Variants in RAB8B observed in about 807,000 individuals in gnomAD.
The protein encoded by RAB8B is RAB8B, member RAS oncogene family, also known as ras-related protein Rab-8B.
Under a neutral mutation model 32.0 loss-of-function variants are expected in RAB8B, and 11 were observed. The ratio of observed to expected loss-of-function variants is 0.34; its 90% CI spans 0.22 to 0.57. The LOEUF (loss-of-function observed/expected upper bound fraction) is 0.57, where lower values mean the gene tolerates loss of function less well. RAB8B is among the 20% of genes least tolerant of loss of function. The pLI, the probability that RAB8B is intolerant of heterozygous loss-of-function variation, is 0.86. For missense variants in RAB8B, 190 were observed against 258.5 expected (o/e 0.73, Z 1.82); for synonymous variants, 103 against 89.6 (o/e 1.15, Z -0.85).
At chr15:63,263,188 A>G (rs565642300) in intron 7 of RAB8B, among the ~76,000 whole-genome samples, 1 of 152,292 alleles carries the variant, frequency 6.6e-6, no homozygotes, top group South Asian at 2.1e-4. Flanking sequence ...CTTACCTCTA[A>G]CAGAACTGTC....
At chr15:63,214,421 AGC>A (rs2037774921) in intron 1 of RAB8B, among the ~76,000 whole-genome samples, 1 of 149,322 alleles carries the variant, frequency 6.7e-6, no homozygotes, top group East Asian at 2.1e-4. Context: ...CCTCCCGGGT[AGC>A]TGGGATTACA....
At chr15:63,249,524 T>C (rs2038097579) in intron 2 of RAB8B, 121 bp from the exon 3 acceptor site, 3 of 857,216 alleles carry the variant, frequency 3.5e-6, no homozygotes, top group Non-Finnish European at 5.4e-6. Context: ...TGTCTCATTC[T>C]CCTTTCCTCT....
chr15:63,244,921 C>T (rs2038059553), intron 2 of RAB8B, 105 bp downstream of exon 2: 1 of 964,890 alleles, frequency 1.0e-6, no homozygotes, highest in Non-Finnish European at 1.6e-6. Flanking sequence ...GCTAAAACAT[C>T]TTTTCTTTAT....
rs868231201 is a variant in RAB8B at position 63,248,629 on chromosome 15, A to C, written c.186-1016A>C. ...TCTGCAGAACTTGGATGCTGGTAAC[A>C]CCCCCAGCCAGTAGCCCACCCTAAT... On this transcript the variant is annotated intron_variant, in intron 2 of 7. Coordinates refer to ENST00000321437, the MANE Select transcript of RAB8B (RefSeq NM_016530.3). The surrounding 1 kb of genome is among the most constrained non-coding windows in gnomAD (Gnocchi z 4.4). Among the ~76,000 whole-genome samples the C allele has an allele frequency of 5.1e-3, 769 of 152,254 alleles. 5 individuals are homozygous for C. Among genetic ancestry groups the C allele is most frequent in the African/African-American group, 0.018 (734 of 41,536 alleles).
intron 2 of RAB8B, among the ~76,000 whole-genome samples, chr15:63,245,499 G>A (rs922462234): frequency 6.6e-6 from 1 of 152,176 alleles, no homozygotes; most frequent in Non-Finnish European, 1.5e-5. Context: ...TAATTCTCCA[G>A]CAGATGCCAA....
chr15:63,226,004 C>T (rs1595741284), intron 1 of RAB8B, among the ~76,000 whole-genome samples: 1 of 152,022 alleles, frequency 6.6e-6, no homozygotes, highest in East Asian at 1.9e-4. Flanking sequence ...CCATGCCTGG[C>T]TCATTTTTGT....
intron 1 of RAB8B, among the ~76,000 whole-genome samples, chr15:63,232,085 G>T (rs2037940871): frequency 1.3e-5 from 2 of 152,120 alleles, no homozygotes; most frequent in Admixed American, 1.3e-4. Context: ...AATTGTTTCT[G>T]CATACTTTAC....
At chr15:63,208,893 A>AT (rs58629991) in intron 1 of RAB8B, among the ~76,000 whole-genome samples, 45,614 of 133,358 alleles carry the variant, frequency 0.34, 8,596 homozygotes, top group African/African-American at 0.51. Flanking sequence ...TCCCACGATA[A>AT]TTTTTTTTTT....
At position 63,249,309 on chromosome 15, in the gene RAB8B, C is replaced by T. The variant is rs112683984; in HGVS notation, c.186-336C>T. 4.4e-3 allele frequency among the ~76,000 whole-genome samples: 663 copies of T among 151,978 alleles called. 8 individuals carry two copies. Among genetic ancestry groups the T allele is most frequent in the African/African-American group, 0.014 (597 of 41,440 alleles). On this transcript the variant is annotated intron_variant, in intron 2 of 7. Coordinates refer to ENST00000321437, the MANE Select transcript of RAB8B (RefSeq NM_016530.3). ...AAGGATTATAACTATCTCGGGGAGT[C>T]GAAGAATTTAGAACTATTCTCTATT...
At chr15:63,214,151 A>G (rs777770416) in intron 1 of RAB8B, among the ~76,000 whole-genome samples, 56 of 152,140 alleles carry the variant, frequency 3.7e-4, no homozygotes, top group Non-Finnish European at 2.5e-4. Context: ...GTGTTTAAAA[A>G]TTCTGATTGG....
At position 63,249,687 on chromosome 15, in the gene RAB8B, G is replaced by C; in HGVS notation, c.228G>C (p.Ala76=). The C allele has an allele frequency of 6.2e-7, 1 of 1,613,768 alleles. No individual in the cohort carries two copies. ...AAAGATTCCGAACAATCACGACAGC[G>C]TACTACAGAGGAGCCATGGTGAGTG... ...GQERFRTITT[A]YYRGAMGIML... is the part of the protein sequence containing the mutation. The change falls in exon 3 of 8, where the codon GCG becomes GCC. Residue 76 remains alanine, a synonymous_variant. Coordinates refer to ENST00000321437, the MANE Select transcript of RAB8B (RefSeq NM_016530.3).
At chr15:63,261,836 C>CT (rs1365562052) in intron 6 of RAB8B, among the ~76,000 whole-genome samples, 1 of 152,166 alleles carries the variant, frequency 6.6e-6, no homozygotes, top group African/African-American at 2.4e-5. Flanking sequence ...AATGAAGAAT[C>CT]TTTAACAGTT....
At chr15:63,213,569 CTTAAGTTGTAAAT>C (rs1306430402) in intron 1 of RAB8B, among the ~76,000 whole-genome samples, 2 of 151,952 alleles carry the variant, frequency 1.3e-5, no homozygotes, top group Non-Finnish European at 2.9e-5. Flanking sequence ...ATGATAAAAG[CTTAAGTTGTAAAT>C]TTAAGTTGTA....
At chr15:63,215,146 C>T (rs1202895678) in intron 1 of RAB8B, among the ~76,000 whole-genome samples, 1 of 152,212 alleles carries the variant, frequency 6.6e-6, no homozygotes, top group African/African-American at 2.4e-5. Context: ...AGTCCAAGGG[C>T]CCTTTGTCCC....
At chr15:63,227,019 G>C (rs1486852136) in intron 1 of RAB8B, among the ~76,000 whole-genome samples, 2 of 152,220 alleles carry the variant, frequency 1.3e-5, no homozygotes, top group South Asian at 4.1e-4. Context: ...CAGTGACAAC[G>C]ACCAGAGGTC....
Position 63,242,539 on chromosome 15 carries a change from G to A in RAB8B, c.125-2217G>A, listed in dbSNP as rs143384806. On this transcript the variant is annotated intron_variant, in intron 1 of 7. Transcript: ENST00000321437. ...TAAAAATACAAAAAATTATCTGGGC[G>A]TGATGGTGCATACCTGTAGTCCCAG... Among the ~76,000 whole-genome samples the A allele has an allele frequency of 4.3e-3, 657 of 152,186 alleles. 3 individuals carry two copies. Among genetic ancestry groups the A allele is most frequent in the African/African-American group, 0.015 (634 of 41,510 alleles).
At chr15:63,232,698 T>C (rs1014100830) in intron 1 of RAB8B, among the ~76,000 whole-genome samples, 14 of 151,234 alleles carry the variant, frequency 9.3e-5, no homozygotes, top group Admixed American at 7.2e-4. Flanking sequence ...GTTTATCAGG[T>C]TTTTTTTTAA....
chr15:63,241,342 C>T (rs148372073), intron 1 of RAB8B, among the ~76,000 whole-genome samples: 3 of 152,178 alleles, frequency 2.0e-5, no homozygotes, highest in Non-Finnish European at 4.4e-5. Flanking sequence ...GAAGGAGACC[C>T]ATCTCAAAAA....
chr15:63,208,669 G>A (rs1213675887), intron 1 of RAB8B, among the ~76,000 whole-genome samples: 3 of 151,798 alleles, frequency 2.0e-5, no homozygotes, highest in Non-Finnish European at 4.4e-5. Context: ...ACCTCATTTC[G>A]GCCTGTTGAC....
Sources: gnomAD v4.1 joint callset for allele counts (sites outside exome capture counted in the v4.1 genomes callset) on GRCh38, gnomAD v4.1.1 for gene constraint, Gnocchi (gnomAD v3.1) non-coding constraint, MANE v1.5 for transcripts, NCBI Gene and HGNC (gene_info 2026-07-23, HGNC 2026-07-21) for gene names.